XXYLT1: variants seen among roughly 807,000 people sequenced by gnomAD.
The protein encoded by XXYLT1 is UDP-xylose:alpha-xyloside alpha-1,3-xylosyltransferase.
XXYLT1 carries 20 observed loss-of-function variants against 28.9 expected under a neutral mutation model. That is an observed-to-expected ratio of 0.69 (90% CI 0.49 to 1.00). XXYLT1 has a LOEUF of 1.00. Among genes scored for constraint, XXYLT1 ranks in the 50% least tolerant of loss-of-function variants. The pLI, the probability that XXYLT1 is intolerant of heterozygous loss-of-function variation, is 0.00. For synonymous variants in XXYLT1, 257 were observed against 253.8 expected (o/e 1.01, Z -0.12); for missense variants, 542 against 560.1 (o/e 0.97, Z 0.33).
At chr3:195,236,245 C>T (rs533679881) in intron 1 of XXYLT1, among the ~76,000 whole-genome samples, 13 of 152,178 alleles carry the variant, frequency 8.5e-5, no homozygotes, top group Admixed American at 5.2e-4. Flanking sequence ...GGCCTGCAAT[C>T]GGAAGCCCTA....
At position 195,256,694 on chromosome 3, in the gene XXYLT1, T is replaced by G. The variant is rs1310267876; in HGVS notation, c.504+13861A>C. On this transcript the variant is annotated intron_variant, in intron 1 of 3. Coordinates refer to ENST00000310380, the MANE Select transcript of XXYLT1 (RefSeq NM_152531.5). The surrounding 1 kb of genome is among the most constrained non-coding windows in gnomAD (Gnocchi z 4.2). ...AGCCGGAGCGTCCCCACTCCTCTTATGATGAGAAACTGAGGCAAAGACATC... is the reference window on the plus strand; with the variant it reads ...AGCCGGAGCGTCCCCACTCCTCTTAGGATGAGAAACTGAGGCAAAGACATC... 3 of 561,510 alleles carry G rather than the reference T, an allele frequency of 5.3e-6. No homozygotes were observed. Among genetic ancestry groups the G allele is most frequent in the Non-Finnish European group, 6.8e-6 (3 of 442,814 alleles). 34.8% of individuals were successfully genotyped at this position (561,510 alleles called of 1,614,324 possible).
At chr3:195,249,630 C>T (rs187848770) in intron 1 of XXYLT1, among the ~76,000 whole-genome samples, 20 of 152,350 alleles carry the variant, frequency 1.3e-4, no homozygotes, top group Admixed American at 1.3e-3. Flanking sequence ...TTTCAGCCCA[C>T]GTCTCGCCGA....
At chr3:195,266,214 G>A (rs1426162422) in intron 1 of XXYLT1, among the ~76,000 whole-genome samples, 1 of 152,142 alleles carries the variant, frequency 6.6e-6, no homozygotes, top group Non-Finnish European at 1.5e-5. Context: ...GCAGCATTCT[G>A]GCCGGGTGCG....
chr3:195,262,748 T>C (rs1448101559), intron 1 of XXYLT1, among the ~76,000 whole-genome samples: 3 of 152,246 alleles, frequency 2.0e-5, no homozygotes, highest in African/African-American at 4.8e-5. Flanking sequence ...TACAATACTA[T>C]ACAAAGTTAT....
At chr3:195,233,324 C>T (rs888212415) in intron 1 of XXYLT1, among the ~76,000 whole-genome samples, 2 of 152,100 alleles carry the variant, frequency 1.3e-5, no homozygotes. Flanking sequence ...TCTATTCATT[C>T]ACTCTTTGTC....
chr3:195,139,355 T>C (rs1719363957), intron 3 of XXYLT1, among the ~76,000 whole-genome samples: 1 of 152,172 alleles, frequency 6.6e-6, no homozygotes, highest in Non-Finnish European at 1.5e-5. Flanking sequence ...CGGAAAATGA[T>C]GTGGAGGCAG....
At chr3:195,243,749 G>A (rs144400921) in intron 1 of XXYLT1, among the ~76,000 whole-genome samples, 309 of 152,294 alleles carry the variant, frequency 2.0e-3, no homozygotes, top group African/African-American at 7.2e-3. Context: ...GCTTTAAATG[G>A]AAAAGGTAAC....
At chr3:195,171,053 AG>A (rs1219663694) in intron 2 of XXYLT1, among the ~76,000 whole-genome samples, 1 of 152,206 alleles carries the variant, frequency 6.6e-6, no homozygotes, top group African/African-American at 2.4e-5. Flanking sequence ...GCAGACAATG[AG>A]GTGGAAGGTG....
intron 2 of XXYLT1, among the ~76,000 whole-genome samples, chr3:195,178,867 A>G (rs1721804403): frequency 6.6e-6 from 1 of 152,250 alleles, no homozygotes. Flanking sequence ...CTTCATTGAG[A>G]TCGAGAGCTG....
rs1725441727 is a variant in XXYLT1, at chr3:195,255,404, G to T, written c.504+15151C>A. Reference sequence around the variant, plus strand: ...TGGGGACTCAGCTCCATCCAAGTGGGCTGAGCAGGGCCAGGCAATGGGTTG... The same window carrying T: ...TGGGGACTCAGCTCCATCCAAGTGGTCTGAGCAGGGCCAGGCAATGGGTTG... On this transcript the variant is annotated intron_variant, in intron 1 of 3. Transcript: ENST00000310380. This position sits in a 1 kb window ranked among gnomAD's most constrained non-coding sequence, Gnocchi z 4.5. 6.6e-6 allele frequency among the ~76,000 whole-genome samples: 1 copy of T among 152,208 alleles called. No homozygotes were observed. The highest frequency in any genetic ancestry group is 2.4e-5 in the African/African-American group (1 of 41,454).
chr3:195,252,938 C>T (rs910587101), intron 1 of XXYLT1, among the ~76,000 whole-genome samples: 3 of 152,160 alleles, frequency 2.0e-5, no homozygotes, highest in Non-Finnish European at 2.9e-5. Context: ...TATTCAGTAA[C>T]GTGAGTAGAG....
chr3:195,086,099 G>C (rs1263886252), intron 3 of XXYLT1: 1 of 152,558 alleles, frequency 6.6e-6, no homozygotes, highest in Admixed American at 6.5e-5. Context: ...CTGGTTTCCA[G>C]CACCCCCAAA....
chr3:195,071,658 G>C (rs2108635450), intron 3 of XXYLT1, among the ~76,000 whole-genome samples: 1 of 140,624 alleles, frequency 7.1e-6, no homozygotes, highest in South Asian at 2.3e-4. Flanking sequence ...TGCCACAAAA[G>C]TCTGCGGTGA....
intron 3 of XXYLT1, among the ~76,000 whole-genome samples, chr3:195,102,834 A>G (rs1209882110): frequency 6.6e-6 from 1 of 152,234 alleles, no homozygotes; most frequent in Non-Finnish European, 1.5e-5. Flanking sequence ...TGCCCAGAAG[A>G]AGGACTGCTG....
intron 3 of XXYLT1, among the ~76,000 whole-genome samples, chr3:195,099,620 G>T (rs1032056689): frequency 3.3e-5 from 5 of 152,092 alleles, no homozygotes; most frequent in Non-Finnish European, 1.5e-5. Context: ...TACGAGGTCA[G>T]AAGATCAAGA....
At chr3:195,167,315 G>A (rs1358573111) in intron 2 of XXYLT1, among the ~76,000 whole-genome samples, 1 of 152,200 alleles carries the variant, frequency 6.6e-6, no homozygotes, top group Non-Finnish European at 1.5e-5. Flanking sequence ...GTTGAGCCGG[G>A]CGCGGTGACT....
intron 3 of XXYLT1, among the ~76,000 whole-genome samples, chr3:195,099,772 A>G (rs1200529904): frequency 4.1e-5 from 6 of 147,906 alleles, no homozygotes; most frequent in Non-Finnish European, 8.9e-5. Flanking sequence ...CGGAGCTTGC[A>G]GTGAGCTGAG....
At chr3:195,265,837 G>A (rs1277435247) in intron 1 of XXYLT1, among the ~76,000 whole-genome samples, 4 of 152,208 alleles carry the variant, frequency 2.6e-5, no homozygotes, top group Non-Finnish European at 2.9e-5. Flanking sequence ...GGAAGGAGCC[G>A]AGGACCGTGG....
intron 2 of XXYLT1, among the ~76,000 whole-genome samples, chr3:195,204,464 A>G (rs892733817): frequency 3.6e-5 from 5 of 139,650 alleles, no homozygotes; most frequent in African/African-American, 9.4e-5. Context: ...ACACACACAC[A>G]CTCACTCTCT....
Sources: allele counts gnomAD v4.1 joint callset (sites outside exome capture counted in the v4.1 genomes callset), GRCh38; gene constraint gnomAD v4.1.1; non-coding constraint Gnocchi (gnomAD v3.1); transcripts MANE v1.5; gene names NCBI Gene and HGNC (gene_info 2026-07-23, HGNC 2026-07-21).